The following COBL variants were observed in gnomAD, a reference collection of about 807,000 sequenced individuals.
The protein encoded by COBL is protein cordon-bleu.
In COBL, 51 loss-of-function variants were observed where a neutral mutation model predicts 98.8. The ratio of observed to expected loss-of-function variants is 0.52; its 90% CI spans 0.41 to 0.65. The LOEUF (loss-of-function observed/expected upper bound fraction) is 0.65, where lower values mean the gene tolerates loss of function less well. Among genes scored for constraint, COBL ranks in the 30% least tolerant of loss-of-function variants. COBL has a pLI of 0.00. For synonymous variants in COBL, 634 were observed against 651.7 expected (o/e 0.97, Z 0.41); for missense variants, 1,617 against 1,617.5 (o/e 1.00, Z 0.01).
At chr7:51,235,023 C>T (rs948820656) in intron 1 of COBL, among the ~76,000 whole-genome samples, 43 of 152,148 alleles carry the variant, frequency 2.8e-4, no homozygotes, top group African/African-American at 9.7e-4. Flanking sequence ...CACAACCTGT[C>T]TCTGGGGGTC....
chr7:51,159,161 C>CGCTCTGGAT (rs1562977934), intron 5 of COBL, among the ~76,000 whole-genome samples: 1 of 152,182 alleles, frequency 6.6e-6, no homozygotes, highest in Non-Finnish European at 1.5e-5. Context: ...GCGCGCGCTG[C>CGCTCTGGAT]GCTCTGGATG....
At chr7:51,273,327 CAAAAAAAAAA>C (rs953811880) in intron 1 of COBL, among the ~76,000 whole-genome samples, 15 of 59,502 alleles carry the variant, frequency 2.5e-4, no homozygotes, top group Admixed American at 9.8e-4. Flanking sequence ...GACTCCATCT[CAAAAAAAAAA>C]AAAAAAAAAG....
At chr7:51,025,524 C>T (rs1356785136) in intron 11 of COBL, 152 bp from the exon 12 acceptor site, 26 of 746,758 alleles carry the variant, frequency 3.5e-5, no homozygotes, top group Non-Finnish European at 5.2e-5. Flanking sequence ...GATTAGTGCT[C>T]TTATACAAAA....
intron 6 of COBL, among the ~76,000 whole-genome samples, chr7:51,131,338 G>T (rs1798715348): frequency 6.6e-6 from 1 of 152,114 alleles, no homozygotes; most frequent in Non-Finnish European, 1.5e-5. Flanking sequence ...CTGAATAAAT[G>T]AATAACTATG....
At chr7:51,269,571 T>C (rs892204199) in intron 1 of COBL, among the ~76,000 whole-genome samples, 1 of 152,230 alleles carries the variant, frequency 6.6e-6, no homozygotes, top group African/African-American at 2.4e-5. Context: ...GCCCTGCCCC[T>C]GCTCCGGCCA....
chr7:51,127,409 G>C (rs931926479), intron 6 of COBL, among the ~76,000 whole-genome samples: 4 of 152,196 alleles, frequency 2.6e-5, no homozygotes, highest in African/African-American at 9.6e-5. Context: ...CTGGAACCCA[G>C]AAGAACAGGG....
intron 1 of COBL, among the ~76,000 whole-genome samples, chr7:51,267,086 A>G (rs973013083): frequency 7.2e-5 from 11 of 152,232 alleles, no homozygotes; most frequent in African/African-American, 2.4e-4. Flanking sequence ...CCACTCTCCC[A>G]CCGCATAAAT....
chr7:51,121,460 T>C (rs1327736323), intron 6 of COBL, among the ~76,000 whole-genome samples: 3 of 152,244 alleles, frequency 2.0e-5, no homozygotes, highest in African/African-American at 7.2e-5. Context: ...ATTCTGCGGG[T>C]TGCCTTTTTA....
At chr7:51,154,670 C>A (rs1450730138) in intron 5 of COBL, among the ~76,000 whole-genome samples, 2 of 152,168 alleles carry the variant, frequency 1.3e-5, no homozygotes, top group Non-Finnish European at 2.9e-5. Context: ...ACATCCCAAT[C>A]CCAACCTAAA....
At chr7:51,172,685 T>C (rs1158107780) in intron 5 of COBL, among the ~76,000 whole-genome samples, 1 of 152,268 alleles carries the variant, frequency 6.6e-6, no homozygotes, top group Non-Finnish European at 1.5e-5. Flanking sequence ...TGCCAGTTTA[T>C]GAACAGACCT....
chr7:51,272,320 T>C (rs1798832933), intron 1 of COBL, among the ~76,000 whole-genome samples: 1 of 152,138 alleles, frequency 6.6e-6, no homozygotes, highest in South Asian at 2.1e-4. Context: ...GATTATAACA[T>C]TGAGCTTGGG....
chr7:51,175,683 A>T (rs886701252), intron 5 of COBL, among the ~76,000 whole-genome samples: 1 of 152,204 alleles, frequency 6.6e-6, no homozygotes, highest in African/African-American at 2.4e-5. Context: ...GGAAACCAAA[A>T]TATTCCTCTC....
At chr7:51,102,484 T>C (rs1432973302) in intron 6 of COBL, among the ~76,000 whole-genome samples, 2 of 152,210 alleles carry the variant, frequency 1.3e-5, no homozygotes, top group Non-Finnish European at 2.9e-5. Context: ...CTTGGTTCTA[T>C]ACCTCACTCT....
intron 12 of COBL, among the ~76,000 whole-genome samples, chr7:51,021,498 T>C (rs1276665452): frequency 2.0e-5 from 3 of 152,088 alleles, no homozygotes; most frequent in African/African-American, 7.2e-5. Flanking sequence ...ACCTGGCTCA[T>C]TTCTGTATTG....
chr7:51,282,821 A>T (rs1799926165), intron 1 of COBL, among the ~76,000 whole-genome samples: 1 of 149,512 alleles, frequency 6.7e-6, no homozygotes, highest in Non-Finnish European at 1.5e-5. Flanking sequence ...ACCAAATATA[A>T]AAAAAAAAAA....
intron 5 of COBL, among the ~76,000 whole-genome samples, chr7:51,144,732 C>T (rs1011123259): frequency 6.6e-6 from 1 of 152,140 alleles, no homozygotes; most frequent in African/African-American, 2.4e-5. Flanking sequence ...CTGGACAAAC[C>T]CCAGTTTGCT....
intron 5 of COBL, 135 bp downstream of exon 5, chr7:51,183,967 C>T: frequency 2.1e-6 from 1 of 475,012 alleles, no homozygotes; most frequent in Non-Finnish European, 3.8e-6. Context: ...TACTAATAAG[C>T]TCTCTTTTAC....
In COBL at chr7:51,083,363, C is replaced by G. The variant is rs570313444; in HGVS notation, c.1096+1803G>C. The G allele has an allele frequency of 2.1e-4, 125 of 608,824 alleles. 4 individuals carry two copies. In the South Asian group the frequency reaches 2.7e-3, roughly 13 times the overall value. 37.7% of individuals were successfully genotyped at this position (608,824 alleles called of 1,614,324 possible). A position where few individuals can be genotyped will look rare whatever the true frequency, so the allele number is the denominator to read the frequency against. ...ATCCAGCCACACCTAACACCAGATC[C>G]AGTCATATCCAGCACCTAATCCATT... On this transcript the variant is annotated intron_variant, in intron 7 of 12. Coordinates refer to ENST00000265136, the MANE Select transcript of COBL (RefSeq NM_015198.5).
intron 1 of COBL, among the ~76,000 whole-genome samples, chr7:51,228,454 G>C (rs769048208): frequency 2.0e-5 from 3 of 151,606 alleles, no homozygotes; most frequent in Non-Finnish European, 4.4e-5. Context: ...GTAGAAGCTG[G>C]CTCCTCAAAA....
Sources: allele counts gnomAD v4.1 joint callset (sites outside exome capture counted in the v4.1 genomes callset), GRCh38; gene constraint gnomAD v4.1.1; transcripts MANE v1.5; gene names NCBI Gene and HGNC (gene_info 2026-07-23, HGNC 2026-07-21).